GLRB: variants seen among roughly 807,000 people sequenced by gnomAD.
The protein encoded by GLRB is glycine receptor beta.
In GLRB, 33 loss-of-function variants were observed where a neutral mutation model predicts 54.2. That is an observed-to-expected ratio of 0.61 (90% CI 0.46 to 0.81). The LOEUF (loss-of-function observed/expected upper bound fraction) is 0.81. Among genes scored for constraint, GLRB ranks in the 40% least tolerant of loss-of-function variants. The probability of loss-of-function intolerance (pLI) is 0.00; values close to 1 mark genes in which losing one functional copy is unlikely to be tolerated. For missense variants in GLRB, 572 were observed against 584.6 expected (o/e 0.98, Z 0.22); for synonymous variants, 209 against 208.2 (o/e 1.00, Z -0.03).
At chr4:157,161,351 G>T (rs11944477) in intron 9 of GLRB, among the ~76,000 whole-genome samples, 2 of 152,096 alleles carry the variant, frequency 1.3e-5, no homozygotes, top group Non-Finnish European at 2.9e-5. Context: ...ATATTGTTAT[G>T]TGTGAATTTG....
chr4:157,127,228 A>T (rs1427481018), intron 4 of GLRB, among the ~76,000 whole-genome samples: 1 of 151,784 alleles, frequency 6.6e-6, no homozygotes, highest in Non-Finnish European at 1.5e-5. Context: ...TTTTGTTGTT[A>T]ATTTTAAAGC....
chr4:157,080,189 G>A (rs1470437749), intron 2 of GLRB, among the ~76,000 whole-genome samples: 2 of 152,158 alleles, frequency 1.3e-5, no homozygotes, highest in African/African-American at 4.8e-5. Context: ...AGTAGATAAA[G>A]AGTATAACAA....
chr4:157,143,332 T>G (rs3775721), intron 7 of GLRB, among the ~76,000 whole-genome samples: 63,895 of 151,496 alleles, frequency 0.42, 15,956 homozygotes, highest in African/African-American at 0.7. Context: ...AGTCAGTGTA[T>G]ACTGCCATCC....
chr4:157,129,737 G>A (rs138664282), intron 4 of GLRB, among the ~76,000 whole-genome samples: 1 of 151,502 alleles, frequency 6.6e-6, no homozygotes, highest in East Asian at 1.9e-4. Context: ...AATAATTGGG[G>A]TAGAGACCCA....
chr4:157,120,134 C>CA (rs1293911634), intron 2 of GLRB, among the ~76,000 whole-genome samples: 2 of 147,814 alleles, frequency 1.4e-5, no homozygotes, highest in Non-Finnish European at 1.5e-5. Flanking sequence ...GTCGCAAGAA[C>CA]AAAAAACCAA....
chr4:157,162,035 T>A (rs1737516500), intron 9 of GLRB, among the ~76,000 whole-genome samples: 1 of 152,220 alleles, frequency 6.6e-6, no homozygotes. Flanking sequence ...CATTTGTTTT[T>A]ACTCTTTTTT....
At chr4:157,139,539 G>T (rs1414238255) in intron 7 of GLRB, among the ~76,000 whole-genome samples, 1 of 152,054 alleles carries the variant, frequency 6.6e-6, no homozygotes, top group Non-Finnish European at 1.5e-5. Flanking sequence ...TGGAGCTTTT[G>T]CAGAAAGTAC....
chr4:157,148,307 C>A (rs1031083472), intron 8 of GLRB, among the ~76,000 whole-genome samples: 2 of 151,904 alleles, frequency 1.3e-5, no homozygotes, highest in Non-Finnish European at 2.9e-5. Flanking sequence ...TTTATTTTAT[C>A]GATATTTTCA....
intron 9 of GLRB, among the ~76,000 whole-genome samples, chr4:157,165,613 C>G (rs566075719): frequency 6.6e-6 from 1 of 152,028 alleles, no homozygotes; most frequent in Admixed American, 6.5e-5. Context: ...GTTACCATGC[C>G]TATATAATTG....
At chr4:157,128,502 C>T (rs1298316097) in intron 4 of GLRB, among the ~76,000 whole-genome samples, 1 of 151,838 alleles carries the variant, frequency 6.6e-6, no homozygotes, top group Non-Finnish European at 1.5e-5. Flanking sequence ...GAACTGTCAA[C>T]ATGATACAGA....
At chr4:157,162,064 G>A (rs542902545) in intron 9 of GLRB, among the ~76,000 whole-genome samples, 38 of 152,010 alleles carry the variant, frequency 2.5e-4, no homozygotes, top group Middle Eastern at 3.4e-3. Flanking sequence ...TTCTCTTCTC[G>A]CTTCATTTCA....
intron 2 of GLRB, among the ~76,000 whole-genome samples, chr4:157,092,497 C>T (rs1170937453): frequency 6.6e-6 from 1 of 152,096 alleles, no homozygotes; most frequent in Non-Finnish European, 1.5e-5. Context: ...CTCTTGGTCT[C>T]GTTTTTATTT....
intron 4 of GLRB, among the ~76,000 whole-genome samples, chr4:157,124,450 G>T (rs928111604): frequency 6.6e-6 from 1 of 151,580 alleles, no homozygotes; most frequent in Non-Finnish European, 1.5e-5. Context: ...CATAAAATTA[G>T]CAATAATGTA....
intron 2 of GLRB, among the ~76,000 whole-genome samples, chr4:157,110,676 GTTTCT>G (rs1167860703): frequency 1.3e-5 from 2 of 151,934 alleles, no homozygotes; most frequent in East Asian, 3.9e-4. Flanking sequence ...ATGTTTGCCT[GTTTCT>G]TTATTTTTCT....
Position 157,136,577 on chromosome 4 carries a change from A to G in GLRB, c.406A>G (p.Lys136Glu), listed in dbSNP as rs748634228. 5 of 1,612,144 alleles carry G rather than the reference A, an allele frequency of 3.1e-6. No individual in the cohort carries two copies. The East Asian group carries it at 1.1e-4, about 36-fold the overall frequency. The part of the protein sequence containing the change: ...DALTVDPTMY[K>E]CLWKPDLFFA... ...ACTGACAGTGGATCCAACAATGTACAAGTGTTTATGGAAACCTGATTTATT... is the reference window on the plus strand; with the variant it reads ...ACTGACAGTGGATCCAACAATGTACGAGTGTTTATGGAAACCTGATTTATT... The change falls in exon 5 of 10, where the codon AAG becomes GAG. Residue 136 changes from lysine (K) to glutamate (E), a missense_variant. Physicochemically the swap from Lys to Glu is moderately conservative, Grantham distance 56. Transcript: ENST00000264428.
At chr4:157,163,287 T>G (rs2126626519) in intron 9 of GLRB, among the ~76,000 whole-genome samples, 1 of 152,196 alleles carries the variant, frequency 6.6e-6, no homozygotes, top group African/African-American at 2.4e-5. Flanking sequence ...CACTTCCCTG[T>G]GAGGCAGTGC....
intron 2 of GLRB, among the ~76,000 whole-genome samples, chr4:157,102,606 A>G (rs1422397686): frequency 6.6e-6 from 1 of 152,174 alleles, no homozygotes; most frequent in Non-Finnish European, 1.5e-5. Context: ...CCTTTATTTT[A>G]AGAAGGAGAT....
intron 4 of GLRB, among the ~76,000 whole-genome samples, chr4:157,123,293 T>TC (rs1404053459): frequency 6.6e-6 from 1 of 151,670 alleles, no homozygotes; most frequent in African/African-American, 2.4e-5. Context: ...AAGAGTACAG[T>TC]CTAATTTTCC....
intron 2 of GLRB, among the ~76,000 whole-genome samples, chr4:157,111,358 G>C (rs1300612079): frequency 1.3e-5 from 2 of 151,956 alleles, no homozygotes; most frequent in Non-Finnish European, 1.5e-5. Context: ...TGTATGATGT[G>C]CTTTATCAGC....
Sources: gnomAD v4.1 joint callset for allele counts (sites outside exome capture counted in the v4.1 genomes callset) on GRCh38, gnomAD v4.1.1 for gene constraint, MANE v1.5 for transcripts, NCBI Gene and HGNC (gene_info 2026-07-23, HGNC 2026-07-21) for gene names.